The following TMX3 variants were observed in gnomAD, a reference collection of about 807,000 sequenced individuals.
The protein encoded by TMX3 is thioredoxin related transmembrane protein 3.
Under a neutral mutation model 64.4 loss-of-function variants are expected in TMX3, and 40 were observed. That is an observed-to-expected ratio of 0.62 (90% CI 0.48 to 0.81). TMX3 has a LOEUF of 0.81. Among genes scored for constraint, TMX3 ranks in the 30% least tolerant of loss-of-function variants. The pLI is 0.00. For missense variants in TMX3, 497 were observed against 534.5 expected, an observed-to-expected ratio of 0.93 and a Z score of 0.69; for synonymous variants, 189 against 175.7, an observed-to-expected ratio of 1.08 and a Z score of -0.60.
At chr18:68,687,087 C>T (rs1018307906) in intron 10 of TMX3, 1 of 982,014 alleles carries the variant, frequency 1.0e-6, no homozygotes, top group African/African-American at 1.8e-5. Context: ...GCACCAATAA[C>T]CAATATTTCT....
At chr18:68,694,599 C>G (rs1599318061) in intron 8 of TMX3, among the ~76,000 whole-genome samples, 1 of 152,048 alleles carries the variant, frequency 6.6e-6, no homozygotes, top group African/African-American at 2.4e-5. Flanking sequence ...GTAGAATAAG[C>G]CCAGTGGGCG....
intron 8 of TMX3, among the ~76,000 whole-genome samples, chr18:68,691,910 AAAAC>A (rs1914560363): frequency 1.3e-5 from 2 of 152,232 alleles, no homozygotes; most frequent in South Asian, 4.1e-4. Context: ...ATTATACTAG[AAAAC>A]AAATATCAGA....
intron 4 of TMX3, chr18:68,706,489 A>G (rs745816174): frequency 8.5e-5 from 13 of 152,194 alleles, no homozygotes; most frequent in South Asian, 6.2e-4. Flanking sequence ...TCAAGACCCA[A>G]TTGCAAAGAT....
intron 9 of TMX3, chr18:68,687,994 A>C: frequency 3.3e-6 from 1 of 302,402 alleles, no homozygotes; most frequent in Non-Finnish European, 6.0e-6. Context: ...ATTAAAAATA[A>C]AGGAAATAAT....
chr18:68,684,358 T>G (rs1913739110), intron 11 of TMX3, 70 bp downstream of exon 11: 21 of 1,515,410 alleles, frequency 1.4e-5, no homozygotes, highest in Non-Finnish European at 6.4e-6. Context: ...AGATACCATA[T>G]CAAGTCTATC....
intron 15 of TMX3, among the ~76,000 whole-genome samples, chr18:68,677,837 A>C (rs1034126551): frequency 3.3e-5 from 5 of 152,156 alleles, no homozygotes; most frequent in African/African-American, 9.7e-5. Flanking sequence ...TGAGATAATA[A>C]AAGAAAGTTT....
intron 4 of TMX3, among the ~76,000 whole-genome samples, chr18:68,707,939 GTATATATA>G (rs80315737): frequency 6.6e-6 from 1 of 150,712 alleles, no homozygotes; most frequent in Admixed American, 6.6e-5. Context: ...GTATATATGT[GTATATATA>G]TGTGTATATA....
In TMX3 at chr18:68,676,886, T is replaced by A; in HGVS notation, c.*47A>T. The A allele has an allele frequency of 6.4e-7, 1 of 1,566,178 alleles. No individual in the cohort carries two copies. Among genetic ancestry groups the A allele is most frequent in the Non-Finnish European group, 8.6e-7 (1 of 1,156,542 alleles). ...AAATGTCTAAATTCAATAAATAGAC[T>A]CTTTAATAATTTGAAGTCCTAACAA... On this transcript the variant is annotated 3_prime_UTR_variant, in exon 16 of 16. Coordinates refer to ENST00000299608, the MANE Select transcript of TMX3 (RefSeq NM_019022.5).
chr18:68,686,155 G>A (rs993764962), intron 10 of TMX3, among the ~76,000 whole-genome samples: 3 of 152,126 alleles, frequency 2.0e-5, no homozygotes, highest in African/African-American at 7.2e-5. Flanking sequence ...CTGCTATGGT[G>A]CTAGCATCAG....
intron 7 of TMX3, 86 bp from the exon 8 acceptor site, chr18:68,697,389 T>C (rs187376976): frequency 8.8e-5 from 59 of 671,844 alleles, no homozygotes; most frequent in African/African-American, 7.2e-4. Context: ...AGTTACCTTA[T>C]GTAGTAAGAG....
chr18:68,700,862 A>G (rs2029988465), intron 5 of TMX3: 4 of 981,406 alleles, frequency 4.1e-6, no homozygotes, highest in Non-Finnish European at 4.8e-6. Flanking sequence ...AGAGTATTTT[A>G]GAAGAGGCAA....
At chr18:68,686,577 C>T (rs148973941) in intron 10 of TMX3, 16 of 222,206 alleles carry the variant, frequency 7.2e-5, no homozygotes, top group East Asian at 3.7e-4. Flanking sequence ...GATGTGGTGG[C>T]GCATGCTGAT....
Position 68,687,766 on chromosome 18 carries a change from C to T in TMX3, c.638-1G>A, listed in dbSNP as rs769210080. ...GATGACAGATCACCATCTTCATACT[C>T]TTAAAACCAAGACAAAGTTGACAAA... On this transcript the variant is annotated splice_acceptor_variant, in intron 9 of 15. Coordinates refer to ENST00000299608, the MANE Select transcript of TMX3 (RefSeq NM_019022.5). LOFTEE classifies it high-confidence loss of function. The T allele has an allele frequency of 6.2e-7, 1 of 1,601,062 alleles. No homozygotes were observed. Among genetic ancestry groups the T allele is most frequent in the African/African-American group, 1.3e-5 (1 of 74,138 alleles).
intron 1 of TMX3, 77 bp downstream of exon 1, chr18:68,714,859 C>A (rs2031783179): frequency 1.9e-6 from 3 of 1,540,194 alleles, no homozygotes; most frequent in Non-Finnish European, 2.6e-6. Flanking sequence ...CGCCCCAGAC[C>A]CGGGTCCAAT....
chr18:68,682,860 G>C (rs921382820), intron 13 of TMX3, 65 bp downstream of exon 13: 3 of 1,433,132 alleles, frequency 2.1e-6, no homozygotes, highest in South Asian at 1.2e-5. Flanking sequence ...CCTTCTACCT[G>C]TATCTCAGAA....
intron 12 of TMX3, 22 bp downstream of exon 12, chr18:68,684,166 ATC>A: frequency 6.4e-7 from 1 of 1,559,992 alleles, no homozygotes; most frequent in Non-Finnish European, 8.7e-7. Flanking sequence ...AAATAAAGGA[ATC>A]TCTCAGAATA....
intron 6 of TMX3, among the ~76,000 whole-genome samples, chr18:68,698,627 A>C (rs1915346546): frequency 6.6e-6 from 1 of 152,198 alleles, no homozygotes; most frequent in Non-Finnish European, 1.5e-5. Context: ...AAGAGAAAAC[A>C]AAAAATGTTA....
At chr18:68,698,739 G>A (rs75525414) in intron 6 of TMX3, among the ~76,000 whole-genome samples, 15,998 of 151,970 alleles carry the variant, frequency 0.11, 845 homozygotes, top group African/African-American at 0.12. Flanking sequence ...GAAGAGGGCC[G>A]GGGGCGGTGG....
chr18:68,677,519 C>T (rs186150286), intron 15 of TMX3, among the ~76,000 whole-genome samples: 1 of 152,096 alleles, frequency 6.6e-6, no homozygotes, highest in African/African-American at 2.4e-5. Flanking sequence ...TATGTGCGCC[C>T]AGCAGCTTTA....
Sources: allele counts gnomAD v4.1 joint callset (sites outside exome capture counted in the v4.1 genomes callset), GRCh38; gene constraint gnomAD v4.1.1; transcripts MANE v1.5; gene names NCBI Gene and HGNC (gene_info 2026-07-23, HGNC 2026-07-21).